The following SLC12A6 variants were observed in gnomAD, a reference collection of about 807,000 sequenced individuals.
SLC12A6 encodes solute carrier family 12 member 6.
Under a neutral mutation model 135.3 loss-of-function variants are expected in SLC12A6, and 66 were observed. The ratio of observed to expected loss-of-function variants is 0.49; its 90% confidence interval spans 0.40 to 0.60. SLC12A6 has a LOEUF of 0.60. SLC12A6 is among the 20% of genes least tolerant of loss of function. The probability of loss-of-function intolerance (pLI) is 0.00; values close to 1 mark genes in which losing one functional copy is unlikely to be tolerated. For missense variants in SLC12A6, 1,058 were observed against 1,452.3 expected (o/e 0.73, Z 4.41); for synonymous variants, 513 against 508.8 (o/e 1.01, Z -0.11).
At chr15:34,325,833 T>C (rs1457285143) in intron 2 of SLC12A6, among the ~76,000 whole-genome samples, 2 of 152,198 alleles carry the variant, frequency 1.3e-5, no homozygotes, top group African/African-American at 4.8e-5. Flanking sequence ...ACACTGTTCC[T>C]GCCCAAGGAG....
At chr15:34,292,517 T>TC (rs1313166476) in intron 2 of SLC12A6, among the ~76,000 whole-genome samples, 1 of 152,214 alleles carries the variant, frequency 6.6e-6, no homozygotes, top group African/African-American at 2.4e-5. Flanking sequence ...ACCACTGCTC[T>TC]CTTCAGAGCT....
intron 2 of SLC12A6, among the ~76,000 whole-genome samples, chr15:34,319,048 T>G (rs568175518): frequency 6.6e-6 from 1 of 152,224 alleles, no homozygotes; most frequent in Non-Finnish European, 1.5e-5. Context: ...TTTCCTTCAC[T>G]GAAGTTGTCA....
intron 2 of SLC12A6, among the ~76,000 whole-genome samples, chr15:34,323,254 T>G (rs1350176070): frequency 6.6e-6 from 1 of 151,990 alleles, no homozygotes; most frequent in Non-Finnish European, 1.5e-5. Flanking sequence ...TAAAAACCGC[T>G]GAAACAGTGC....
chr15:34,325,133 C>T (rs1278156756), intron 2 of SLC12A6, among the ~76,000 whole-genome samples: 1 of 152,140 alleles, frequency 6.6e-6, no homozygotes. Flanking sequence ...ATGCTATAAA[C>T]ATCTTACAGG....
chr15:34,251,198 T>C, intron 10 of SLC12A6, 141 bp from the exon 11 acceptor site: 1 of 678,408 alleles, frequency 1.5e-6, no homozygotes, highest in South Asian at 1.6e-5. Flanking sequence ...AGCACATGTA[T>C]ACACACACAT....
chr15:34,273,237 G>T (rs780323292), intron 3 of SLC12A6, among the ~76,000 whole-genome samples: 27 of 152,166 alleles, frequency 1.8e-4, no homozygotes, highest in Non-Finnish European at 3.4e-4. Context: ...TGTAGTCCCA[G>T]CTACTCAGGA....
chr15:34,237,290 T>TC, intron 22 of SLC12A6, 129 bp downstream of exon 22: 1 of 732,540 alleles, frequency 1.4e-6, no homozygotes, highest in Non-Finnish European at 2.3e-6. Flanking sequence ...TTTTTTTGTT[T>TC]TTTTTTTGGC....
chr15:34,316,793 A>G (rs1888681966), intron 2 of SLC12A6, among the ~76,000 whole-genome samples: 2 of 152,214 alleles, frequency 1.3e-5, no homozygotes, highest in Admixed American at 1.3e-4. Flanking sequence ...CTGCAAACAT[A>G]ATGGGACTAG....
intron 2 of SLC12A6, among the ~76,000 whole-genome samples, chr15:34,298,367 C>T (rs1346497157): frequency 3.3e-5 from 5 of 152,010 alleles, no homozygotes; most frequent in Admixed American, 6.5e-5. Context: ...CCTGGCTACT[C>T]GGGAGGCAGA....
chr15:34,265,899 A>G (rs547320674), intron 3 of SLC12A6, among the ~76,000 whole-genome samples: 1 of 152,280 alleles, frequency 6.6e-6, no homozygotes, highest in East Asian at 1.9e-4. Context: ...TTAGAAAGAC[A>G]GAAAGGAGCC....
At chr15:34,325,716 T>G (rs1469015891) in intron 2 of SLC12A6, among the ~76,000 whole-genome samples, 1 of 152,112 alleles carries the variant, frequency 6.6e-6, no homozygotes, top group Non-Finnish European at 1.5e-5. Context: ...AGTTAAAGCC[T>G]CAGGAAAATC....
chr15:34,250,703 C>G lies in SLC12A6; in HGVS notation c.1519G>C (p.Gly507Arg). The part of the protein sequence containing the change: ...TGIMAGSNRS[G>R]DLKDAQKSIP... Reference sequence around the variant, plus strand: ...GACTTCTGAGCATCTTTCAGATCTCCAGATCTGTTTGATCCAGCCATGATA... The same window carrying G: ...GACTTCTGAGCATCTTTCAGATCTCGAGATCTGTTTGATCCAGCCATGATA... The change falls in exon 12 of 26, where the codon GGA becomes CGA. Residue 507 changes from glycine to arginine, a missense_variant. Physicochemically the swap from Gly to Arg is moderately radical, Grantham distance 125 (BLOSUM62 -2). Coordinates refer to ENST00000354181, the MANE Select transcript of SLC12A6 (RefSeq NM_001365088.1). The G allele has an allele frequency of 1.2e-6, 2 of 1,603,064 alleles. No individual in the cohort carries two copies. The highest frequency in any genetic ancestry group is 1.7e-6 in the Non-Finnish European group (2 of 1,169,938).
At chr15:34,239,335 CTTTTTG>C (rs1891485834) in intron 19 of SLC12A6, among the ~76,000 whole-genome samples, 175 bp from the exon 20 acceptor site, 1 of 152,146 alleles carries the variant, frequency 6.6e-6, no homozygotes, top group South Asian at 2.1e-4. Context: ...GATCTTTTGT[CTTTTTG>C]CTTACTACGT....
chr15:34,334,299 A>C (rs1419315093), intron 2 of SLC12A6, among the ~76,000 whole-genome samples: 1 of 152,212 alleles, frequency 6.6e-6, no homozygotes, highest in East Asian at 1.9e-4. Context: ...ACTAACTGTG[A>C]AATGCACTAT....
chr15:34,262,416 T>C lies in SLC12A6; in HGVS notation c.317-1396A>G, dbSNP rs984740483. ...TCAATAAAATTATTCTCCGCCCTCC[T>C]CACCCTTTGATATCAGCACAACCTC... On this transcript the variant is annotated intron_variant, in intron 3 of 25. Transcript: ENST00000354181. Among the ~76,000 whole-genome samples, 6 of 151,668 alleles carry C rather than the reference T, an allele frequency of 4.0e-5. No individual in the cohort carries two copies. The South Asian group carries it at 1.0e-3, about 26-fold the overall frequency.
intron 7 of SLC12A6, 58 bp downstream of exon 7, chr15:34,256,171 T>C (rs947040541): frequency 2.6e-5 from 28 of 1,088,104 alleles, no homozygotes; most frequent in Admixed American, 2.2e-4. Context: ...TCTAGCTTTA[T>C]AGCATAAACA....
intron 25 of SLC12A6, among the ~76,000 whole-genome samples, 196 bp downstream of exon 25, chr15:34,234,985 A>C (rs1891157788): frequency 6.6e-6 from 1 of 152,204 alleles, no homozygotes; most frequent in African/African-American, 2.4e-5. Context: ...ACTAGAACTG[A>C]ATTATATTTG....
chr15:34,266,008 CTTTTTTTT>C (rs34173980), intron 3 of SLC12A6, among the ~76,000 whole-genome samples: 66 of 102,304 alleles, frequency 6.5e-4, no homozygotes, highest in Admixed American at 2.0e-3. Context: ...ATACAGAAAG[CTTTTTTTT>C]TTTTTTTTTT....
chr15:34,266,433 TTTTA>T (rs1444941428), intron 3 of SLC12A6, among the ~76,000 whole-genome samples: 4 of 152,036 alleles, frequency 2.6e-5, no homozygotes, highest in African/African-American at 9.7e-5. Context: ...GTCATGCCAA[TTTTA>T]TTTATCATTA....
Sources: allele counts gnomAD v4.1 joint callset (sites outside exome capture counted in the v4.1 genomes callset), GRCh38; gene constraint gnomAD v4.1.1; transcripts MANE v1.5; gene names NCBI Gene and HGNC (gene_info 2026-07-23, HGNC 2026-07-21).